Variants in FOXP2 observed in about 807,000 individuals in gnomAD.
The protein encoded by FOXP2 is forkhead box P2.
FOXP2 carries 12 observed loss-of-function variants against 115.8 expected under a neutral mutation model. The ratio of observed to expected loss-of-function variants is 0.10; its 90% CI spans 0.07 to 0.17. FOXP2 has a LOEUF of 0.17. FOXP2 is among the 10% of genes least tolerant of loss of function. The probability of loss-of-function intolerance (pLI) is 1.00; values close to 1 mark genes in which losing one functional copy is unlikely to be tolerated. For synonymous variants in FOXP2, 328 were observed against 297.7 expected, an observed-to-expected ratio of 1.10 and a Z score of -1.05; for missense variants, 629 against 843.5, an observed-to-expected ratio of 0.75 and a Z score of 3.15.
At chr7:114,122,678 A>G (rs1791598071) in intron 1 of FOXP2, among the ~76,000 whole-genome samples, 1 of 152,074 alleles carries the variant, frequency 6.6e-6, no homozygotes, top group Admixed American at 6.6e-5. Flanking sequence ...AATAAGGTTC[A>G]GGGCTGAAAT....
intron 1 of FOXP2, among the ~76,000 whole-genome samples, chr7:114,223,380 T>A (rs186428846): frequency 6.6e-6 from 1 of 151,042 alleles, no homozygotes. Flanking sequence ...ATTTGTTTGT[T>A]TATTTACTTG....
chr7:114,636,642 G>A (rs544746504), intron 6 of FOXP2, among the ~76,000 whole-genome samples: 11 of 144,708 alleles, frequency 7.6e-5, no homozygotes, highest in African/African-American at 2.8e-4. Flanking sequence ...TTTTTTTTGA[G>A]TGTAAAAAAG....
intron 3 of FOXP2, among the ~76,000 whole-genome samples, chr7:114,543,506 TA>T (rs1267310557): frequency 6.6e-6 from 1 of 151,972 alleles, no homozygotes; most frequent in Admixed American, 6.6e-5. Context: ...AAAATTTCAA[TA>T]AAATTTGCCC....
chr7:114,450,952 G>T, intron 2 of FOXP2, among the ~76,000 whole-genome samples: 1 of 151,874 alleles, frequency 6.6e-6, no homozygotes, highest in East Asian at 1.9e-4. Flanking sequence ...AAAGATACAC[G>T]TATAATTTTG....
intron 3 of FOXP2, among the ~76,000 whole-genome samples, chr7:114,573,073 G>C (rs1801401190): frequency 6.6e-6 from 1 of 151,772 alleles, no homozygotes; most frequent in Non-Finnish European, 1.5e-5. Flanking sequence ...GTCTGGTATG[G>C]CTGGTGGGAA....
intron 2 of FOXP2, among the ~76,000 whole-genome samples, chr7:114,393,807 TG>T (rs1235384649): frequency 1.3e-5 from 2 of 152,082 alleles, no homozygotes; most frequent in Admixed American, 1.3e-4. Flanking sequence ...TTAAGGATAA[TG>T]GGAGTCAAAT....
At chr7:114,353,292 G>C (rs1256167528) in intron 2 of FOXP2, among the ~76,000 whole-genome samples, 1 of 145,170 alleles carries the variant, frequency 6.9e-6, no homozygotes, top group African/African-American at 2.6e-5. Flanking sequence ...TCCTCCGATA[G>C]CCCCCTCTTC....
Position 114,629,951 on chromosome 7 carries a change from G to A in FOXP2, c.543G>A (p.Gln181=), listed in dbSNP as rs1399915446. 2 of 1,611,326 alleles carry A rather than the reference G, an allele frequency of 1.2e-6. No individual in the cohort carries two copies. Among genetic ancestry groups the A allele is most frequent in the Non-Finnish European group, 1.7e-6 (2 of 1,178,938 alleles). ...QQQQQQQQQQ[Q]QQQQQQQQQQ... is the part of the protein sequence containing the mutation. ...AACAACAGCAGCAACAACAGCAGCA[G>A]CAGCAGCAACAGCAGCAGCAGCAGC... Residue 181 remains glutamine (Q), a synonymous_variant, in exon 5 of 17, where the codon CAG becomes CAA. Coordinates refer to ENST00000350908, the MANE Select transcript of FOXP2 (RefSeq NM_014491.4).
At chr7:114,113,349 A>T (rs778435413) in intron 1 of FOXP2, among the ~76,000 whole-genome samples, 2 of 152,200 alleles carry the variant, frequency 1.3e-5, no homozygotes, top group African/African-American at 4.8e-5. Context: ...ACTACATTTT[A>T]TTAGAAATGA....
At chr7:114,631,908 A>G (rs1804945109) in intron 6 of FOXP2, among the ~76,000 whole-genome samples, 1 of 152,142 alleles carries the variant, frequency 6.6e-6, no homozygotes, top group Non-Finnish European at 1.5e-5. Context: ...GTGAAGTAAA[A>G]CTTTCAAGTT....
upstream of FOXP2, among the ~76,000 whole-genome samples, chr7:114,409,514 A>G (rs1044805873): frequency 4.6e-5 from 7 of 152,130 alleles, no homozygotes; most frequent in African/African-American, 1.7e-4. Context: ...AATAAATTCA[A>G]TACATTTTCA....
intron 2 of FOXP2, among the ~76,000 whole-genome samples, chr7:114,466,827 T>C: frequency 6.6e-6 from 1 of 152,236 alleles, no homozygotes; most frequent in East Asian, 1.9e-4. Context: ...AAGGTTTTCT[T>C]TTTGCTTTTC....
At chr7:114,583,048 CA>C (rs1289313171) in intron 3 of FOXP2, among the ~76,000 whole-genome samples, 1 of 152,130 alleles carries the variant, frequency 6.6e-6, no homozygotes, top group African/African-American at 2.4e-5. Flanking sequence ...ACAAAAGACA[CA>C]AATAGGCACC....
intron 2 of FOXP2, among the ~76,000 whole-genome samples, chr7:114,383,836 G>T (rs193022200): frequency 5.3e-5 from 8 of 152,250 alleles, no homozygotes; most frequent in Admixed American, 2.0e-4. Flanking sequence ...GTTATTTTCC[G>T]ATGAGCATTA....
intron 2 of FOXP2, among the ~76,000 whole-genome samples, chr7:114,388,319 T>TAA (rs576032047): frequency 5.4e-5 from 8 of 147,492 alleles, no homozygotes; most frequent in African/African-American, 2.0e-4. Flanking sequence ...ATATTTCTGG[T>TAA]AAAAAAAAAA....
At chr7:114,411,310 T>A (rs1337278776), upstream of FOXP2, among the ~76,000 whole-genome samples, 1 of 152,092 alleles carries the variant, frequency 6.6e-6, no homozygotes, top group Non-Finnish European at 1.5e-5. Context: ...CTGATTAAAA[T>A]AAATAGAAAT....
intron 3 of FOXP2, among the ~76,000 whole-genome samples, chr7:114,544,763 C>G (rs1282354296): frequency 6.6e-6 from 1 of 152,146 alleles, no homozygotes; most frequent in Non-Finnish European, 1.5e-5. Flanking sequence ...TACCTTCTTC[C>G]CATAGTATCC....
At chr7:114,101,643 C>G (rs1012948268) in intron 1 of FOXP2, among the ~76,000 whole-genome samples, 1 of 151,130 alleles carries the variant, frequency 6.6e-6, no homozygotes, top group Non-Finnish European at 1.5e-5. Flanking sequence ...CACTGATCTT[C>G]ATTTTCTAGA....
At chr7:114,633,798 G>T (rs1015897062) in intron 6 of FOXP2, among the ~76,000 whole-genome samples, 1 of 152,110 alleles carries the variant, frequency 6.6e-6, no homozygotes, top group African/African-American at 2.4e-5. Flanking sequence ...AATATTTGTT[G>T]TACAGTGTAA....
Sources: gnomAD v4.1 joint callset for allele counts (sites outside exome capture counted in the v4.1 genomes callset) on GRCh38, gnomAD v4.1.1 for gene constraint, MANE v1.5 for transcripts, NCBI Gene and HGNC (gene_info 2026-07-23, HGNC 2026-07-21) for gene names.